Variants in LRRIQ3 observed in about 807,000 individuals in gnomAD.
LRRIQ3 encodes leucine-rich repeat and IQ domain-containing protein 3.
Under a neutral mutation model 59.3 loss-of-function variants are expected in LRRIQ3, and 75 were observed. The observed-to-expected ratio is 1.26, with a 90% CI of 1.05 to 1.53. The LOEUF is 1.53. LRRIQ3 is among the 40% of genes most tolerant of loss of function. LRRIQ3 has a pLI of 0.00. For missense variants in LRRIQ3, 831 were observed against 710.0 expected (o/e 1.17, Z -1.94); for synonymous variants, 250 against 231.3 (o/e 1.08, Z -0.73).
intron 6 of LRRIQ3, among the ~76,000 whole-genome samples, chr1:74,047,463 G>A (rs1049537776): frequency 7.9e-5 from 12 of 152,126 alleles, no homozygotes; most frequent in African/African-American, 2.4e-4. Flanking sequence ...GCTAGGGGAC[G>A]GATAGCATTA....
intron 4 of LRRIQ3, among the ~76,000 whole-genome samples, chr1:74,126,544 T>C (rs1646938613): frequency 6.6e-6 from 1 of 151,900 alleles, no homozygotes; most frequent in Non-Finnish European, 1.5e-5. Flanking sequence ...ATTTGGTAGG[T>C]TCTGCTTCCA....
chr1:74,168,176 TAGAG>T (rs569269824), intron 3 of LRRIQ3, among the ~76,000 whole-genome samples: 6 of 152,104 alleles, frequency 3.9e-5, no homozygotes, highest in African/African-American at 7.2e-5. Flanking sequence ...GTCTAGTTGA[TAGAG>T]AGAAGTATTG....
intron 5 of LRRIQ3, among the ~76,000 whole-genome samples, chr1:74,090,403 A>C (rs1646381896): frequency 6.6e-6 from 1 of 152,066 alleles, no homozygotes; most frequent in Non-Finnish European, 1.5e-5. Context: ...TAAATTATAA[A>C]ATCAACACAA....
chr1:74,119,483 A>G (rs982310805), intron 4 of LRRIQ3, among the ~76,000 whole-genome samples: 4 of 152,104 alleles, frequency 2.6e-5, no homozygotes, highest in African/African-American at 7.2e-5. Flanking sequence ...GTAGTTAAAT[A>G]CATTTTCTCC....
chr1:74,161,027 A>G (rs1042484662), intron 3 of LRRIQ3, among the ~76,000 whole-genome samples: 1 of 152,176 alleles, frequency 6.6e-6, no homozygotes, highest in Non-Finnish European at 1.5e-5. Flanking sequence ...GGTAGCTTAT[A>G]AACAACAGAA....
At chr1:74,161,327 C>T (rs1372857153) in intron 3 of LRRIQ3, among the ~76,000 whole-genome samples, 2 of 151,994 alleles carry the variant, frequency 1.3e-5, no homozygotes, top group African/African-American at 4.8e-5. Flanking sequence ...ACATTTAGAC[C>T]ATAGCAGTCT....
At chr1:74,098,809 G>A (rs1268892333) in intron 5 of LRRIQ3, among the ~76,000 whole-genome samples, 1 of 152,100 alleles carries the variant, frequency 6.6e-6, no homozygotes, top group Non-Finnish European at 1.5e-5. Flanking sequence ...TGACTACTGG[G>A]TACATAACGA....
intron 6 of LRRIQ3, among the ~76,000 whole-genome samples, chr1:74,046,462 G>T (rs1205849078): frequency 6.6e-6 from 1 of 152,084 alleles, no homozygotes; most frequent in African/African-American, 2.4e-5. Context: ...ACTCAAGATG[G>T]ATTAAAGACT....
chr1:74,097,837 T>C (rs1320696353), intron 5 of LRRIQ3, among the ~76,000 whole-genome samples: 2 of 152,044 alleles, frequency 1.3e-5, no homozygotes, highest in Non-Finnish European at 2.9e-5. Flanking sequence ...ATAAAATCCT[T>C]TACAGACAAG....
intron 4 of LRRIQ3, among the ~76,000 whole-genome samples, chr1:74,139,579 C>A (rs976843784): frequency 6.6e-6 from 1 of 151,838 alleles, no homozygotes; most frequent in Non-Finnish European, 1.5e-5. Flanking sequence ...TTTAGTCTTC[C>A]CTCATTAAAA....
At chr1:74,181,092 G>A (rs1234399389) in intron 3 of LRRIQ3, 1 of 301,128 alleles carries the variant, frequency 3.3e-6, no homozygotes, top group African/African-American at 2.2e-5. Context: ...TAGGTACTCA[G>A]TATATACTTG....
rs1646301651 is a variant in LRRIQ3 at position 74,084,094 on chromosome 1, A to G, written c.868-9304T>C. The G allele has an allele frequency of 2.1e-6, 3 of 1,414,404 alleles. No individual in the cohort carries two copies. The South Asian group carries it at 4.0e-5, about 19-fold the overall frequency. The allele number at this position is 1,414,404 out of a possible 1,614,324, so 87.6% of individuals were successfully genotyped here. A position where few individuals can be genotyped will look rare whatever the true frequency, so the allele number is the denominator to read the frequency against. On this transcript the variant is annotated intron_variant, in intron 5 of 7. Coordinates refer to ENST00000354431, the MANE Select transcript of LRRIQ3 (RefSeq NM_001105659.2). Reference sequence around the variant, plus strand: ...CAGCTGATATCCCTAGTGTCCAATCAGAGACAAGTTTTCATCCTGTTGTCC... The same window carrying G: ...CAGCTGATATCCCTAGTGTCCAATCGGAGACAAGTTTTCATCCTGTTGTCC...
chr1:74,084,330 G>A (rs1273818739), intron 5 of LRRIQ3: 1 of 1,093,694 alleles, frequency 9.1e-7, no homozygotes, highest in Non-Finnish European at 1.3e-6. Flanking sequence ...GGAGGACAGT[G>A]AGCTCAAGAT....
intron 6 of LRRIQ3, among the ~76,000 whole-genome samples, chr1:74,044,100 A>G (rs1049488427): frequency 6.6e-6 from 1 of 152,176 alleles, no homozygotes; most frequent in Non-Finnish European, 1.5e-5. Context: ...AGCTCTATGT[A>G]GTAGTTTTTA....
intron 4 of LRRIQ3, among the ~76,000 whole-genome samples, chr1:74,147,503 G>T (rs1647653261): frequency 6.6e-6 from 1 of 152,138 alleles, no homozygotes. Flanking sequence ...AGAGAATAAT[G>T]ATTTTATGTC....
intron 4 of LRRIQ3, among the ~76,000 whole-genome samples, chr1:74,112,871 A>C (rs1040080015): frequency 4.6e-5 from 7 of 152,150 alleles, no homozygotes; most frequent in African/African-American, 1.7e-4. Context: ...GATTGTTACG[A>C]TACATTACCT....
At chr1:74,163,939 T>C (rs1648810005) in intron 3 of LRRIQ3, among the ~76,000 whole-genome samples, 1 of 151,630 alleles carries the variant, frequency 6.6e-6, no homozygotes, top group Non-Finnish European at 1.5e-5. Context: ...CCATTCTGAA[T>C]AGTATGTAGT....
chr1:74,180,526 G>C (rs1435374334), intron 3 of LRRIQ3: 6 of 499,614 alleles, frequency 1.2e-5, no homozygotes, highest in Admixed American at 3.8e-5. Flanking sequence ...AAGTCTTTAA[G>C]TGCTGCCATT....
At position 74,109,450 on chromosome 1, in the gene LRRIQ3, C is replaced by T. The variant is rs369039931; in HGVS notation, c.811G>A (p.Asp271Asn). The change falls in exon 5 of 8, where the codon GAT (aspartate) becomes AAT (asparagine). Residue 271 changes from aspartate (D) to asparagine (N), a missense_variant. Physicochemically the swap from Asp to Asn is conservative, Grantham distance 23. Transcript: ENST00000354431. ...TTAGTTTCAGGTTTGAAAAAGAGAT[C>T]CTTAAGGAGCTTATCTTCATACCCT... ...TKGYEDKLLKDLFFKPETNIK... is the reference protein window; with the variant it reads ...TKGYEDKLLKNLFFKPETNIK... 3.8e-6 allele frequency: 6 copies of T among 1,574,820 alleles called. No homozygotes were observed. Among genetic ancestry groups the T allele is most frequent in the Non-Finnish European group, 5.2e-6 (6 of 1,161,582 alleles).
Sources: allele counts gnomAD v4.1 joint callset (sites outside exome capture counted in the v4.1 genomes callset), GRCh38; gene constraint gnomAD v4.1.1; transcripts MANE v1.5; gene names NCBI Gene and HGNC (gene_info 2026-07-23, HGNC 2026-07-21).